The following GBE1 variants were observed in gnomAD, a reference collection of about 807,000 sequenced individuals.
GBE1 encodes 1,4-alpha-glucan branching enzyme 1, also known as 1,4-alpha-glucan-branching enzyme.
Under a neutral mutation model 88.8 loss-of-function variants are expected in GBE1, and 70 were observed. The ratio of observed to expected loss-of-function variants is 0.79; its 90% CI spans 0.65 to 0.96. GBE1 has a LOEUF of 0.96. Among genes scored for constraint, GBE1 ranks in the 40% least tolerant of loss-of-function variants. GBE1 has a pLI of 0.00. For missense variants in GBE1, 872 were observed against 871.0 expected (o/e 1.00, Z -0.01); for synonymous variants, 284 against 300.1 (o/e 0.95, Z 0.56).
At chr3:81,719,051 GA>G (rs1316464962) in intron 1 of GBE1, among the ~76,000 whole-genome samples, 6 of 151,790 alleles carry the variant, frequency 4.0e-5, no homozygotes, top group African/African-American at 1.2e-4. Context: ...AACCATTGAA[GA>G]AAAAAAATTC....
chr3:81,523,163 AAT>A (rs1004035835), intron 14 of GBE1, among the ~76,000 whole-genome samples: 35 of 150,380 alleles, frequency 2.3e-4, no homozygotes, highest in African/African-American at 7.8e-4. Context: ...TATGCTATAT[AAT>A]ATATATAATA....
intron 1 of GBE1, among the ~76,000 whole-genome samples, chr3:81,729,422 G>T: frequency 6.6e-6 from 1 of 152,148 alleles, no homozygotes; most frequent in East Asian, 1.9e-4. Context: ...CTCAGTGACA[G>T]CCTCTCCAAT....
chr3:81,627,801 T>C (rs942156148), intron 7 of GBE1, among the ~76,000 whole-genome samples: 1 of 151,014 alleles, frequency 6.6e-6, no homozygotes. Context: ...TTGTTGTTCT[T>C]GTTATTTTCA....
At chr3:81,726,367 G>A (rs1706112190) in intron 1 of GBE1, among the ~76,000 whole-genome samples, 1 of 152,118 alleles carries the variant, frequency 6.6e-6, no homozygotes, top group Admixed American at 6.5e-5. Flanking sequence ...GTTGCTGGAA[G>A]TAAGAGGGAG....
chr3:81,542,208 A>G (rs1703152412), intron 12 of GBE1, among the ~76,000 whole-genome samples: 1 of 152,108 alleles, frequency 6.6e-6, no homozygotes, highest in Admixed American at 6.6e-5. Flanking sequence ...ATCAATAGGT[A>G]TGCATCTCCA....
chr3:81,620,622 T>C (rs549184906), intron 7 of GBE1, among the ~76,000 whole-genome samples: 4 of 152,266 alleles, frequency 2.6e-5, no homozygotes, highest in Admixed American at 2.6e-4. Context: ...AAAAGGCAAG[T>C]CGCTGAAATG....
rs149978952 is a variant in GBE1, at chr3:81,572,945, G to A, written c.1618+4980C>T. On this transcript the variant is annotated intron_variant, in intron 12 of 15. Transcript: ENST00000429644. ...CCCTCTGCCTCAGCTGACTGAATTA[G>A]GAAAGGATAGCATTTCCGTGATAAC... Among the ~76,000 whole-genome samples, 6 of 152,196 alleles carry A rather than the reference G, an allele frequency of 3.9e-5. No homozygotes were observed. In the East Asian group the frequency reaches 1.2e-3, roughly 29 times the overall value.
chr3:81,744,368 T>A (rs1184583790), intron 1 of GBE1, among the ~76,000 whole-genome samples: 2 of 152,196 alleles, frequency 1.3e-5, no homozygotes, highest in Non-Finnish European at 2.9e-5. Context: ...CTACCTTTTT[T>A]AATGTGGCTA....
At chr3:81,525,699 T>C (rs998503614) in intron 14 of GBE1, among the ~76,000 whole-genome samples, 1 of 152,148 alleles carries the variant, frequency 6.6e-6, no homozygotes, top group East Asian at 1.9e-4. Context: ...AATTATTGCC[T>C]CAATTTCAGA....
chr3:81,503,290 T>C (rs1198367437), intron 14 of GBE1, among the ~76,000 whole-genome samples: 1 of 151,972 alleles, frequency 6.6e-6, no homozygotes. Flanking sequence ...CAATATGCAA[T>C]GAGAGGGAGA....
intron 15 of GBE1, among the ~76,000 whole-genome samples, chr3:81,493,525 C>A (rs559695759): frequency 6.0e-4 from 91 of 151,126 alleles, no homozygotes; most frequent in African/African-American, 2.1e-3. Flanking sequence ...TTTAGCTTGT[C>A]TAAATTTTTT....
At chr3:81,673,218 G>A (rs1705212463) in intron 2 of GBE1, among the ~76,000 whole-genome samples, 1 of 151,790 alleles carries the variant, frequency 6.6e-6, no homozygotes, top group Non-Finnish European at 1.5e-5. Flanking sequence ...TATGATTCCT[G>A]CATTTCTTTT....
chr3:81,583,732 C>A (rs116722284), intron 10 of GBE1, among the ~76,000 whole-genome samples: 2 of 151,838 alleles, frequency 1.3e-5, no homozygotes, highest in Admixed American at 6.6e-5. Context: ...TGGTTGCCAG[C>A]GGTTAAGGCA....
At chr3:81,622,386 T>A (rs1257285032) in intron 7 of GBE1, among the ~76,000 whole-genome samples, 1 of 152,216 alleles carries the variant, frequency 6.6e-6, no homozygotes, top group African/African-American at 2.4e-5. Context: ...TCCTTCTTTA[T>A]CTTCTTAGCT....
intron 8 of GBE1, 87 bp downstream of exon 8, chr3:81,593,816 TATGTA>T (rs1703914783): frequency 6.3e-6 from 4 of 637,072 alleles, no homozygotes; most frequent in Non-Finnish European, 1.1e-5. Context: ...AGAGAAAGCA[TATGTA>T]ATGGAACTAA....
At chr3:81,589,569 T>G (rs1416339831) in intron 9 of GBE1, among the ~76,000 whole-genome samples, 1 of 151,714 alleles carries the variant, frequency 6.6e-6, no homozygotes, top group Non-Finnish European at 1.5e-5. Flanking sequence ...TCTCAAAGTT[T>G]CATTGGTAGA....
chr3:81,594,018 TC>T lies in GBE1; in HGVS notation c.997del (p.Glu333LysfsTer3). ...DSRLFAYSSW[E>X]ILRFLLSNIR... is the part of the protein sequence containing the mutation. Reference sequence around the variant, plus strand: ...GTTTGACAGAAGGAATCTTAAAATTTCCCAGCTAAAATATAAGAGAAATATG... The same window carrying T: ...GTTTGACAGAAGGAATCTTAAAATTTCCAGCTAAAATATAAGAGAAATATG... On this transcript the variant is annotated frameshift_variant, in exon 8 of 16. Coordinates refer to ENST00000429644, the MANE Select transcript of GBE1 (RefSeq NM_000158.4). LOFTEE classifies it high-confidence loss of function. The T allele has an allele frequency of 1.4e-6, 2 of 1,416,302 alleles. No individual in the cohort carries two copies. The highest frequency in any genetic ancestry group is 2.0e-6 in the Non-Finnish European group (2 of 1,019,888). 87.7% of individuals were successfully genotyped at this position (1,416,302 alleles called of 1,614,324 possible). A position where few individuals can be genotyped will look rare whatever the true frequency, so the allele number is the denominator to read the frequency against.
In GBE1 at chr3:81,594,021, C is replaced by G; in HGVS notation, c.995G>C (p.Trp332Ser). ...WDSRLFAYSS[W>S]EILRFLLSNI... Reference sequence around the variant, plus strand: ...TGACAGAAGGAATCTTAAAATTTCCCAGCTAAAATATAAGAGAAATATGTA... The same window carrying G: ...TGACAGAAGGAATCTTAAAATTTCCGAGCTAAAATATAAGAGAAATATGTA... Residue 332 changes from tryptophan (W) to serine (S), a missense_variant and splice_region_variant, in exon 8 of 16, where the codon TGG (tryptophan) becomes TCG (serine). Trp to Ser is a radical substitution (Grantham distance 177). Transcript: ENST00000429644. 1 of 1,393,924 alleles carries G rather than the reference C, an allele frequency of 7.2e-7. No individual in the cohort carries two copies. 86.3% of individuals were successfully genotyped at this position (1,393,924 alleles called of 1,614,324 possible).
intron 14 of GBE1, among the ~76,000 whole-genome samples, chr3:81,527,243 G>A (rs1026539608): frequency 1.3e-5 from 2 of 152,040 alleles, no homozygotes; most frequent in Admixed American, 1.3e-4. Flanking sequence ...ATATTTACAT[G>A]TTAGACCTAA....
Sources: allele counts gnomAD v4.1 joint callset (sites outside exome capture counted in the v4.1 genomes callset), GRCh38; gene constraint gnomAD v4.1.1; transcripts MANE v1.5; gene names NCBI Gene and HGNC (gene_info 2026-07-23, HGNC 2026-07-21).